The following NECTIN1 variants were observed in gnomAD, a reference collection of about 807,000 sequenced individuals.
NECTIN1 encodes nectin-1.
Under a neutral mutation model 48.0 loss-of-function variants are expected in NECTIN1, and 23 were observed. That is an observed-to-expected ratio of 0.48 (90% CI 0.34 to 0.68). NECTIN1 has a LOEUF of 0.68. Ranked by LOEUF, NECTIN1 falls within the 30% of genes least tolerant of loss-of-function variation. NECTIN1 has a pLI of 0.01. For missense variants in NECTIN1, 591 were observed against 709.9 expected (o/e 0.83, Z 1.90); for synonymous variants, 270 against 288.9 (o/e 0.93, Z 0.66).
At position 119,678,729 on chromosome 11, in the gene NECTIN1, A is replaced by C; in HGVS notation, c.116T>G (p.Met39Arg). Residue 39 changes from methionine to arginine, a missense_variant, in exon 2 of 6, where the codon ATG (methionine) becomes AGG (arginine). Coordinates refer to ENST00000264025, the MANE Select transcript of NECTIN1 (RefSeq NM_002855.5). This position sits in a 1 kb window ranked among gnomAD's most constrained non-coding sequence, Gnocchi z 4.4. Reference protein sequence around the residue: ...HSQVVQVNDSMYGFIGTDVVL... With the variant: ...HSQVVQVNDSRYGFIGTDVVL... ...CACGTCTGTGCCGATGAAGCCATAC[A>C]TGGAGTCGTTCACCTGGACCACCTG... The C allele has an allele frequency of 6.2e-7, 1 of 1,613,292 alleles. No homozygotes were observed. The highest frequency in any genetic ancestry group is 8.5e-7 in the Non-Finnish European group (1 of 1,179,750).
intron 1 of NECTIN1, among the ~76,000 whole-genome samples, chr11:119,716,241 G>C (rs891460850): frequency 1.8e-4 from 28 of 152,234 alleles, no homozygotes; most frequent in African/African-American, 6.3e-4. Context: ...CAGCAGAGGG[G>C]CTCCCCACAG....
chr11:119,692,399 C>T (rs1369138983), intron 1 of NECTIN1, among the ~76,000 whole-genome samples: 2 of 149,288 alleles, frequency 1.3e-5, no homozygotes, highest in Non-Finnish European at 3.0e-5. Flanking sequence ...CGAGAAGTGG[C>T]TTGTGGCAGT....
At chr11:119,674,368 TG>T in intron 5 of NECTIN1, 1 of 1,453,408 alleles carries the variant, frequency 6.9e-7, no homozygotes, top group Non-Finnish European at 9.0e-7. Context: ...TTAATAATAA[TG>T]ATGATGATGG....
chr11:119,703,005 C>T (rs932142751), intron 1 of NECTIN1, among the ~76,000 whole-genome samples: 1 of 152,236 alleles, frequency 6.6e-6, no homozygotes, highest in Non-Finnish European at 1.5e-5. Context: ...GCCTTTGCCA[C>T]ACTTAAAAAG....
At position 119,662,158 on chromosome 11, in the gene NECTIN1, C is replaced by G. The variant is rs939137068; in HGVS notation, c.*2589G>C. The G allele has an allele frequency of 1.0e-6, 1 of 985,346 alleles. No individual in the cohort carries two copies. The highest frequency in any genetic ancestry group is 1.2e-6 in the Non-Finnish European group (1 of 829,952). The allele number at this position is 985,346 out of a possible 1,614,324, so 61.0% of individuals were successfully genotyped here. ...CAAGTTTATTTCATTTCCAGCAAAG[C>G]AGAAGCTCAGCTCATGCTGTGGGCA... On this transcript the variant is annotated 3_prime_UTR_variant, in exon 6 of 6. Transcript: ENST00000264025. This position sits in a 1 kb window ranked among gnomAD's most constrained non-coding sequence, Gnocchi z 5.3.
Position 119,683,598 on chromosome 11 carries a change from G to GTGTGTGTGTGTGTGTT in NECTIN1, c.80-4834_80-4833insAACACACACACACACA, listed in dbSNP as rs1865099899. Among the ~76,000 whole-genome samples, 2 of 151,874 alleles carry GTGTGTGTGTGTGTGTT rather than the reference G, an allele frequency of 1.3e-5. No homozygotes were observed. The highest frequency in any genetic ancestry group is 2.9e-5 in the Non-Finnish European group (2 of 67,962). On this transcript the variant is annotated intron_variant, in intron 1 of 5. Coordinates refer to ENST00000264025, the MANE Select transcript of NECTIN1 (RefSeq NM_002855.5). The surrounding 1 kb of genome is among the most constrained non-coding windows in gnomAD (Gnocchi z 4.0). ...GGTGTGTGTGTGTGTGTGTGTGTGT[G>GTGTGTGTGTGTGTGTT]TGTGTGTGTGTGGGCACTTGCAGGA...
intron 5 of NECTIN1, among the ~76,000 whole-genome samples, chr11:119,652,641 T>A (rs1238370109): frequency 6.6e-6 from 1 of 152,196 alleles, no homozygotes; most frequent in Non-Finnish European, 1.5e-5. Flanking sequence ...CATACCACTA[T>A]GCCCTTGCCA....
chr11:119,691,537 C>T (rs1246483363), intron 1 of NECTIN1, among the ~76,000 whole-genome samples: 2 of 152,216 alleles, frequency 1.3e-5, no homozygotes, highest in East Asian at 3.8e-4. Context: ...GCTCTTGCCC[C>T]GCTACAGCAG....
chr11:119,657,920 C>CAAAA (rs61352311), downstream of NECTIN1, among the ~76,000 whole-genome samples: 48 of 77,728 alleles, frequency 6.2e-4, no homozygotes, highest in South Asian at 2.2e-3. Flanking sequence ...GACCCCGTCT[C>CAAAA]AAAAAAAAAA....
At chr11:119,695,458 G>A (rs921911312) in intron 1 of NECTIN1, among the ~76,000 whole-genome samples, 1 of 151,084 alleles carries the variant, frequency 6.6e-6, no homozygotes. Context: ...AGTGTTGGCT[G>A]TGCCATGAAG....
At chr11:119,698,675 C>T (rs1865384453) in intron 1 of NECTIN1, among the ~76,000 whole-genome samples, 1 of 152,214 alleles carries the variant, frequency 6.6e-6, no homozygotes. Context: ...GTTTCCTCAT[C>T]TGTAACATGA....
At chr11:119,670,504 C>T (rs965255167) in intron 5 of NECTIN1, among the ~76,000 whole-genome samples, 2 of 152,106 alleles carry the variant, frequency 1.3e-5, no homozygotes, top group African/African-American at 4.8e-5. Context: ...AGGAGAGACT[C>T]GAATAAACCT....
At chr11:119,700,270 C>T (rs747123826) in intron 1 of NECTIN1, among the ~76,000 whole-genome samples, 17 of 152,192 alleles carry the variant, frequency 1.1e-4, no homozygotes, top group Non-Finnish European at 2.4e-4. Context: ...GAAGGTTGCC[C>T]GTTCTTGGCT....
chr11:119,705,307 C>T (rs1351241352), intron 1 of NECTIN1, among the ~76,000 whole-genome samples: 1 of 152,188 alleles, frequency 6.6e-6, no homozygotes, highest in African/African-American at 2.4e-5. Context: ...CCCAGGCATA[C>T]AGCACTGGAC....
chr11:119,711,785 A>C (rs1338198805), intron 1 of NECTIN1, among the ~76,000 whole-genome samples: 1 of 152,028 alleles, frequency 6.6e-6, no homozygotes, highest in Non-Finnish European at 1.5e-5. Flanking sequence ...TCAGTGGAAA[A>C]GCAGTTTTGG....
chr11:119,640,921 C>G (rs551440662), intron 5 of NECTIN1: 1 of 152,200 alleles, frequency 6.6e-6, no homozygotes, highest in Non-Finnish European at 1.5e-5. Context: ...TAATTAAACA[C>G]GGAGAGCACC....
Position 119,664,376 on chromosome 11 carries a change from A to C in NECTIN1, c.*371T>G. 9.5e-7 allele frequency: 1 copy of C among 1,048,114 alleles called. No homozygotes were observed. Among genetic ancestry groups the C allele is most frequent in the Non-Finnish European group, 1.2e-6 (1 of 869,206 alleles). The allele number at this position is 1,048,114 out of a possible 1,614,324, so 64.9% of individuals were successfully genotyped here. On this transcript the variant is annotated 3_prime_UTR_variant, in exon 6 of 6. Transcript: ENST00000264025. ...CACCCCCAGTGAAGAAACACAAACA[A>C]ATTCCAGTGTAGGGGGGCGGGGGAG... is the stretch of plus-strand genomic sequence containing the variant.
At chr11:119,648,412 GTGGTGGTGA>G (rs1565376851) in intron 5 of NECTIN1, among the ~76,000 whole-genome samples, 22 of 44,436 alleles carry the variant, frequency 5.0e-4, no homozygotes, top group Non-Finnish European at 6.6e-4. Context: ...GATGGTGATG[GTGGTGGTGA>G]TGGTGGTGAT....
rs577772548 is a variant in NECTIN1, at chr11:119,683,638, G to A, written c.80-4873C>T. On this transcript the variant is annotated intron_variant, in intron 1 of 5. Transcript: ENST00000264025. The surrounding 1 kb of genome is among the most constrained non-coding windows in gnomAD (Gnocchi z 4.0). ...CACTTGCAGGAGGCTGCTATGTGCT[G>A]AGCAATAAGAGCTAGAGAGGTGGGG... Among the ~76,000 whole-genome samples, 4 of 151,664 alleles carry A rather than the reference G, an allele frequency of 2.6e-5. No homozygotes were observed. The highest frequency in any genetic ancestry group is 2.6e-4 in the Admixed American group (4 of 15,242).
Sources: gnomAD v4.1 joint callset for allele counts (sites outside exome capture counted in the v4.1 genomes callset) on GRCh38, gnomAD v4.1.1 for gene constraint, Gnocchi (gnomAD v3.1) non-coding constraint, MANE v1.5 for transcripts, NCBI Gene and HGNC (gene_info 2026-07-23, HGNC 2026-07-21) for gene names.